The following ZNF277 variants were observed in gnomAD, a reference collection of about 807,000 sequenced individuals.
The protein encoded by ZNF277 is zinc finger protein 277, also known as nuclear receptor-interacting factor 4.
Under a neutral mutation model 60.7 loss-of-function variants are expected in ZNF277, and 55 were observed. That is an observed-to-expected ratio of 0.91 (90% CI 0.73 to 1.13). ZNF277 has a LOEUF of 1.13. Among genes scored for constraint, ZNF277 ranks in the 50% most tolerant of loss-of-function variants. The pLI, the probability that ZNF277 is intolerant of heterozygous loss-of-function variation, is 0.00. For synonymous variants in ZNF277, 178 were observed against 179.3 expected, an observed-to-expected ratio of 0.99 and a Z score of 0.06; for missense variants, 510 against 523.0, an observed-to-expected ratio of 0.98 and a Z score of 0.24.
At chr7:112,294,839 C>G (rs1156544599) in intron 2 of ZNF277, among the ~76,000 whole-genome samples, 1 of 152,130 alleles carries the variant, frequency 6.6e-6, no homozygotes, top group African/African-American at 2.4e-5. Flanking sequence ...TTGGGGACTA[C>G]TTAGAGAACT....
At chr7:112,303,012 A>C (rs1792513566) in intron 4 of ZNF277, among the ~76,000 whole-genome samples, 1 of 148,340 alleles carries the variant, frequency 6.7e-6, no homozygotes, top group Non-Finnish European at 1.5e-5. Context: ...GCTGTGGCAC[A>C]ATCTTGGCTC....
Position 112,318,226 on chromosome 7 carries a change from T to A in ZNF277, c.510T>A (p.Asn170Lys). The change falls in exon 5 of 12, where the codon AAT (asparagine) becomes AAA (lysine). Residue 170 changes from asparagine to lysine, a missense_variant. Physicochemically the swap from Asn to Lys is moderately conservative, Grantham distance 94 (BLOSUM62 0). Coordinates refer to ENST00000361822, the MANE Select transcript of ZNF277 (RefSeq NM_021994.3). ...AGCAGCAAGAACGAAATGATACCAA[T>A]TTTCATGGCGTTTGTATGTTTTGCA... ...EQQQQERNDT[N>K]FHGVCMFCNE... 1 of 1,613,538 alleles carries A rather than the reference T, an allele frequency of 6.2e-7. No homozygotes were observed. Among genetic ancestry groups the A allele is most frequent in the South Asian group, 1.1e-5 (1 of 91,046 alleles).
At chr7:112,305,172 G>A (rs1187356812) in intron 4 of ZNF277, among the ~76,000 whole-genome samples, 2 of 151,974 alleles carry the variant, frequency 1.3e-5, no homozygotes, top group African/African-American at 2.4e-5. Flanking sequence ...CGAGAGAATC[G>A]CTTGAACTCA....
At chr7:112,287,117 G>T in intron 2 of ZNF277, 43 bp downstream of exon 2, 1 of 1,598,544 alleles carries the variant, frequency 6.3e-7, no homozygotes. Flanking sequence ...ATTTGACCAT[G>T]TGTGGTGGCT....
At position 112,318,193 on chromosome 7, in the gene ZNF277, G is replaced by A. The variant is rs1792886600; in HGVS notation, c.477G>A (p.Leu159=). 1 of 1,612,286 alleles carries A rather than the reference G, an allele frequency of 6.2e-7. No individual in the cohort carries two copies. The highest frequency in any genetic ancestry group is 8.5e-7 in the Non-Finnish European group (1 of 1,178,622). The change falls in exon 5 of 12, where the codon CTG becomes CTA. Residue 159 remains leucine, a synonymous_variant. Transcript: ENST00000361822. ...TTTCTACTTTCCAGAGAGAAATTCT[G>A]GAACAACAGCAGCAAGAACGAAATG... ...ELQKQRLREI[L]EQQQQERNDT...
intron 1 of ZNF277, among the ~76,000 whole-genome samples, chr7:112,214,460 A>G (rs1821831316): frequency 6.6e-6 from 1 of 152,194 alleles, no homozygotes; most frequent in Non-Finnish European, 1.5e-5. Flanking sequence ...TGCTGAAACA[A>G]GTATGTTCTA....
At chr7:112,307,603 C>T (rs1197765326) in intron 4 of ZNF277, among the ~76,000 whole-genome samples, 1 of 151,530 alleles carries the variant, frequency 6.6e-6, no homozygotes, top group Non-Finnish European at 1.5e-5. Flanking sequence ...TTTAAATAGA[C>T]GGGGTTTCAC....
chr7:112,339,122 G>A (rs149291069), intron 9 of ZNF277, among the ~76,000 whole-genome samples: 1 of 152,270 alleles, frequency 6.6e-6, no homozygotes, highest in African/African-American at 2.4e-5. Flanking sequence ...AGCAGAATTT[G>A]TAAAAATTAC....
At chr7:112,318,685 C>T (rs553947677) in intron 5 of ZNF277, among the ~76,000 whole-genome samples, 8 of 152,086 alleles carry the variant, frequency 5.3e-5, no homozygotes, top group Admixed American at 3.3e-4. Flanking sequence ...CCAGCTGGTC[C>T]AAAACCAGCT....
intron 1 of ZNF277, among the ~76,000 whole-genome samples, chr7:112,228,098 G>C (rs1341426147): frequency 6.6e-6 from 1 of 151,910 alleles, no homozygotes; most frequent in Admixed American, 6.6e-5. Flanking sequence ...GCTTCTGGTG[G>C]TACCAAGTGG....
chr7:112,270,146 T>G (rs1584363040), intron 1 of ZNF277, among the ~76,000 whole-genome samples: 2 of 152,276 alleles, frequency 1.3e-5, no homozygotes, highest in African/African-American at 4.8e-5. Context: ...AATTCTTCAC[T>G]GGATTTGCAC....
chr7:112,276,136 G>A (rs1791788305), intron 1 of ZNF277, among the ~76,000 whole-genome samples: 1 of 152,188 alleles, frequency 6.6e-6, no homozygotes, highest in Non-Finnish European at 1.5e-5. Context: ...TGAACTCATT[G>A]AGAGTTTTCT....
At chr7:112,258,633 G>T (rs889764908) in intron 1 of ZNF277, among the ~76,000 whole-genome samples, 5 of 152,044 alleles carry the variant, frequency 3.3e-5, no homozygotes, top group African/African-American at 1.2e-4. Flanking sequence ...ATGTGTTGAT[G>T]TTAATTTTAA....
intron 4 of ZNF277, among the ~76,000 whole-genome samples, chr7:112,308,648 T>C (rs530945920): frequency 1.3e-5 from 2 of 152,286 alleles, no homozygotes; most frequent in South Asian, 4.1e-4. Context: ...TTCAGTCATT[T>C]TTGAGTAACA....
intron 1 of ZNF277, among the ~76,000 whole-genome samples, chr7:112,267,605 C>G (rs1791578841): frequency 6.6e-6 from 1 of 152,122 alleles, no homozygotes; most frequent in Admixed American, 6.6e-5. Flanking sequence ...CTTTTGCTGC[C>G]TTTTTTTCTC....
At chr7:112,218,037 C>A (rs181406693) in intron 1 of ZNF277, among the ~76,000 whole-genome samples, 1 of 152,138 alleles carries the variant, frequency 6.6e-6, no homozygotes, top group Non-Finnish European at 1.5e-5. Context: ...TTAAAAATTC[C>A]GATCCCCAAA....
chr7:112,322,079 C>T (rs1792996127), intron 5 of ZNF277, among the ~76,000 whole-genome samples: 1 of 152,056 alleles, frequency 6.6e-6, no homozygotes, highest in African/African-American at 2.4e-5. Flanking sequence ...TCAGATTCTT[C>T]CCCTGCCCCA....
At chr7:112,261,067 T>A (rs1791427344) in intron 1 of ZNF277, among the ~76,000 whole-genome samples, 1 of 152,212 alleles carries the variant, frequency 6.6e-6, no homozygotes, top group Admixed American at 6.5e-5. Flanking sequence ...GTGGTTCTGT[T>A]TATGGGTTTG....
Position 112,206,723 on chromosome 7 carries a change from G to A in ZNF277, c.7G>A (p.Ala3Thr), listed in dbSNP as rs763771134. 1.2e-6 allele frequency: 2 copies of A among 1,613,294 alleles called. No homozygotes were observed. Among genetic ancestry groups the A allele is most frequent in the Non-Finnish European group, 1.7e-6 (2 of 1,179,716 alleles). Reference protein sequence around the residue: MAASKTQGAVARM... With the variant: MATSKTQGAVARM... ...TTTTCTTTTCTGCCGGGTAATGGCT[G>A]CTTCCAAGACCCAGGGGGCTGTCGC... Residue 3 changes from alanine to threonine, a missense_variant, in exon 1 of 12, where the codon GCT (alanine) becomes ACT (threonine). Ala to Thr is a moderately conservative substitution (Grantham distance 58, BLOSUM62 0). Transcript: ENST00000361822.
Sources: allele counts gnomAD v4.1 joint callset (sites outside exome capture counted in the v4.1 genomes callset), GRCh38; gene constraint gnomAD v4.1.1; transcripts MANE v1.5; gene names NCBI Gene and HGNC (gene_info 2026-07-23, HGNC 2026-07-21).